Variants in KAZN observed in about 807,000 individuals in gnomAD.
The protein encoded by KAZN is kazrin, periplakin interacting protein, also known as kazrin.
A neutral mutation model predicts 87.4 loss-of-function variants in KAZN; 40 were observed. The observed-to-expected ratio is 0.46, with a 90% confidence interval of 0.36 to 0.60. KAZN has a LOEUF of 0.60. KAZN is among the 20% of genes least tolerant of loss of function. The pLI is 0.00. For missense variants in KAZN, 898 were observed against 1,073.9 expected, an observed-to-expected ratio of 0.84 and a Z score of 2.29; for synonymous variants, 466 against 458.3, an observed-to-expected ratio of 1.02 and a Z score of -0.22.
intron 1 of KAZN, among the ~76,000 whole-genome samples, chr1:14,749,714 C>G (rs555277415): frequency 6.6e-6 from 1 of 152,238 alleles, no homozygotes; most frequent in East Asian, 1.9e-4. Context: ...ACCAGGCCTC[C>G]CATTCAGATT....
intron 13 of KAZN, among the ~76,000 whole-genome samples, chr1:15,105,491 A>C (rs988660098): frequency 6.6e-6 from 1 of 151,892 alleles, no homozygotes; most frequent in African/African-American, 2.4e-5. Flanking sequence ...CCTCTTATAT[A>C]TAAAGTTGGT....
At chr1:14,570,133 A>T (rs1364653247) in intron 2 of KAZN, among the ~76,000 whole-genome samples, 4 of 151,704 alleles carry the variant, frequency 2.6e-5, no homozygotes, top group East Asian at 3.9e-4. Context: ...ATAATAAAAA[A>T]TTTTTAAAAA....
chr1:14,954,550 A>G (rs1316654322), intron 1 of KAZN, among the ~76,000 whole-genome samples: 1 of 152,218 alleles, frequency 6.6e-6, no homozygotes, highest in Non-Finnish European at 1.5e-5. Flanking sequence ...TCGTGCAGTC[A>G]TGGCAGCGGT....
chr1:14,394,163 G>A (rs1662696203), intron 2 of KAZN, among the ~76,000 whole-genome samples: 2 of 152,254 alleles, frequency 1.3e-5, no homozygotes, highest in South Asian at 2.1e-4. Flanking sequence ...CTTGGTTAGT[G>A]CGTTAACGCA....
intron 2 of KAZN, among the ~76,000 whole-genome samples, chr1:14,303,567 G>A (rs562111668): frequency 6.6e-6 from 1 of 152,274 alleles, no homozygotes; most frequent in African/African-American, 2.4e-5. Flanking sequence ...TTAAGAGGCT[G>A]TCTAGGTCAT....
At chr1:14,224,320 C>G (rs1254445666) in intron 2 of KAZN, among the ~76,000 whole-genome samples, 1 of 152,080 alleles carries the variant, frequency 6.6e-6, no homozygotes, top group African/African-American at 2.4e-5. Context: ...TAGAACATGT[C>G]AGGAACAACC....
intron 1 of KAZN, among the ~76,000 whole-genome samples, chr1:13,996,973 C>T (rs1639551186): frequency 6.6e-6 from 1 of 152,198 alleles, no homozygotes; most frequent in African/African-American, 2.4e-5. Context: ...GTTGGTGCCC[C>T]TCGAGGTCAG....
In KAZN at chr1:14,950,147, C is replaced by G. The variant is rs1180616380; in HGVS notation, c.227-10537C>G. Reference sequence around the variant, plus strand: ...GGCTGGGGAGCGCCGTGGAAGAAACCCTGTGGAGGAGTGGGTGGGTGTTAT... The same window carrying G: ...GGCTGGGGAGCGCCGTGGAAGAAACGCTGTGGAGGAGTGGGTGGGTGTTAT... On this transcript the variant is annotated intron_variant, in intron 1 of 14. Transcript: ENST00000376030. Among the ~76,000 whole-genome samples the G allele has an allele frequency of 8.6e-5, 13 of 152,002 alleles. 1 individual carries two copies. Among genetic ancestry groups the G allele is most frequent in the Non-Finnish European group, 2.9e-5 (2 of 67,998 alleles).
intron 2 of KAZN, among the ~76,000 whole-genome samples, chr1:14,268,445 A>G (rs1003907392): frequency 6.6e-6 from 1 of 151,752 alleles, no homozygotes; most frequent in East Asian, 1.9e-4. Context: ...AAGGATGGCA[A>G]TACAGTAATG....
chr1:14,296,318 C>T (rs888893349), intron 2 of KAZN, among the ~76,000 whole-genome samples: 10 of 152,158 alleles, frequency 6.6e-5, no homozygotes, highest in Admixed American at 2.0e-4. Flanking sequence ...TCAGCTCCTC[C>T]GTAGAAAGGC....
At chr1:14,544,282 A>T (rs1055363919) in intron 2 of KAZN, among the ~76,000 whole-genome samples, 1 of 148,150 alleles carries the variant, frequency 6.7e-6, no homozygotes, top group Non-Finnish European at 1.5e-5. Context: ...AAGAACTGAC[A>T]TGCAGACAAA....
intron 2 of KAZN, among the ~76,000 whole-genome samples, chr1:14,377,103 T>G (rs1444380294): frequency 6.6e-6 from 1 of 152,084 alleles, no homozygotes; most frequent in Non-Finnish European, 1.5e-5. Context: ...TATTTCCAAG[T>G]GAAAGCTAGT....
intron 1 of KAZN, among the ~76,000 whole-genome samples, chr1:14,157,655 T>C (rs1430962208): frequency 2.0e-5 from 3 of 152,226 alleles, no homozygotes; most frequent in African/African-American, 7.2e-5. Flanking sequence ...TTTAGGAGGC[T>C]TTCTTTATCC....
chr1:14,694,719 C>T (rs1641503229), intron 1 of KAZN, among the ~76,000 whole-genome samples: 1 of 152,196 alleles, frequency 6.6e-6, no homozygotes, highest in Admixed American at 6.5e-5. Context: ...GTCATTTCAC[C>T]TCCATGAGCC....
At chr1:14,278,073 G>A (rs952325348) in intron 2 of KAZN, among the ~76,000 whole-genome samples, 1 of 150,776 alleles carries the variant, frequency 6.6e-6, no homozygotes, top group African/African-American at 2.4e-5. Flanking sequence ...AGGAGGCTGA[G>A]GCAGGAGAAT....
intron 2 of KAZN, among the ~76,000 whole-genome samples, chr1:14,271,886 G>T (rs1280385398): frequency 3.3e-5 from 5 of 152,134 alleles, no homozygotes; most frequent in African/African-American, 1.2e-4. Context: ...TAAGGCAGAG[G>T]AATTCCCATG....
At chr1:14,862,770 G>C (rs1024435096) in intron 1 of KAZN, among the ~76,000 whole-genome samples, 1 of 152,104 alleles carries the variant, frequency 6.6e-6, no homozygotes, top group Non-Finnish European at 1.5e-5. Context: ...ATATATATTC[G>C]GGATGTGCTC....
chr1:14,187,599 G>A (rs1476332647), intron 2 of KAZN, among the ~76,000 whole-genome samples: 2 of 152,116 alleles, frequency 1.3e-5, no homozygotes, highest in Admixed American at 1.3e-4. Flanking sequence ...CCCACACCAG[G>A]TGACATCTGG....
chr1:14,198,471 A>G (rs971348236), intron 2 of KAZN, among the ~76,000 whole-genome samples: 7 of 152,148 alleles, frequency 4.6e-5, no homozygotes, highest in African/African-American at 1.7e-4. Flanking sequence ...ATGGTGGCGC[A>G]TGCCTGTAAT....
Sources: gnomAD v4.1 joint callset for allele counts (sites outside exome capture counted in the v4.1 genomes callset) on GRCh38, gnomAD v4.1.1 for gene constraint, MANE v1.5 for transcripts, NCBI Gene and HGNC (gene_info 2026-07-23, HGNC 2026-07-21) for gene names.